Variants in AGBL1 observed in about 807,000 individuals in gnomAD.
The protein encoded by AGBL1 is AGBL carboxypeptidase 1.
Under a neutral mutation model 118.9 loss-of-function variants are expected in AGBL1, and 130 were observed. The ratio of observed to expected loss-of-function variants is 1.09; its 90% CI spans 0.95 to 1.26. AGBL1 has a LOEUF of 1.26. Among genes scored for constraint, AGBL1 ranks in the 50% most tolerant of loss-of-function variants. The probability of loss-of-function intolerance (pLI) is 0.00; values close to 1 mark genes in which losing one functional copy is unlikely to be tolerated. For synonymous variants in AGBL1, 555 were observed against 478.9 expected (o/e 1.16, Z -2.08); for missense variants, 1,584 against 1,298.1 (o/e 1.22, Z -3.38).
chr15:86,278,571 A>G (rs779946268), intron 15 of AGBL1, among the ~76,000 whole-genome samples: 7 of 152,178 alleles, frequency 4.6e-5, no homozygotes, highest in Non-Finnish European at 2.9e-5. Flanking sequence ...AGAATAACCC[A>G]TGTTTGTTTT....
intron 18 of AGBL1, among the ~76,000 whole-genome samples, chr15:86,482,230 CAGGTGTAGTTTG>C (rs2082661162): frequency 6.6e-6 from 1 of 152,114 alleles, no homozygotes; most frequent in Non-Finnish European, 1.5e-5. Context: ...CCTGAATGCT[CAGGTGTAGTTTG>C]AGGCTTAATG....
At chr15:86,402,415 A>T (rs1246062598) in intron 18 of AGBL1, among the ~76,000 whole-genome samples, 1 of 152,046 alleles carries the variant, frequency 6.6e-6, no homozygotes, top group African/African-American at 2.4e-5. Context: ...TGACAGTTTG[A>T]CTTCCTATTT....
At chr15:86,147,427 A>G (rs1166544513) in intron 3 of AGBL1, among the ~76,000 whole-genome samples, 2 of 152,216 alleles carry the variant, frequency 1.3e-5, no homozygotes, top group Non-Finnish European at 2.9e-5. Flanking sequence ...CACTTTTCCC[A>G]AGGTTAGCAA....
chr15:86,814,878 G>A (rs1407348659), intron 22 of AGBL1, among the ~76,000 whole-genome samples: 16 of 152,122 alleles, frequency 1.1e-4, no homozygotes. Flanking sequence ...ATGTTCTTGT[G>A]GAAATTGCCT....
chr15:86,629,142 C>A (rs2084929706), intron 21 of AGBL1, among the ~76,000 whole-genome samples: 1 of 152,108 alleles, frequency 6.6e-6, no homozygotes, highest in Non-Finnish European at 1.5e-5. Flanking sequence ...CCCATTTTCT[C>A]CACCCTCCAG....
chr15:86,829,322 G>C (rs930562644), intron 22 of AGBL1, among the ~76,000 whole-genome samples: 1 of 152,144 alleles, frequency 6.6e-6, no homozygotes, highest in Non-Finnish European at 1.5e-5. Flanking sequence ...AAAACCGCAA[G>C]GGTCAAGTGG....
intron 22 of AGBL1, among the ~76,000 whole-genome samples, chr15:86,743,733 T>G (rs971345488): frequency 6.6e-6 from 1 of 152,100 alleles, no homozygotes; most frequent in Non-Finnish European, 1.5e-5. Context: ...CTGAAAAATA[T>G]CTGAGAGCTT....
chr15:87,013,713 G>A (rs986906172), intron 24 of AGBL1, among the ~76,000 whole-genome samples: 1 of 152,102 alleles, frequency 6.6e-6, no homozygotes. Flanking sequence ...CTTACATGAG[G>A]TTACCCGACT....
intron 22 of AGBL1, among the ~76,000 whole-genome samples, chr15:86,837,742 TG>T (rs1449367830): frequency 7.9e-5 from 12 of 152,208 alleles, no homozygotes; most frequent in Non-Finnish European, 1.5e-4. Context: ...AAATTAGAAG[TG>T]TATCCTCAAA....
In AGBL1 at chr15:86,159,115, C is replaced by T. The variant is rs2077232311; in HGVS notation, c.488+89C>T. 3 of 1,250,692 alleles carry T rather than the reference C, an allele frequency of 2.4e-6. No homozygotes were observed. The South Asian group carries it at 3.6e-5, about 15-fold the overall frequency. The allele number at this position is 1,250,692 out of a possible 1,614,324, so 77.5% of individuals were successfully genotyped here. A position where few individuals can be genotyped will look rare whatever the true frequency, so the allele number is the denominator to read the frequency against. On this transcript the variant is annotated intron_variant, in intron 5 of 22. Transcript: ENST00000614907. The stretch of plus-strand genomic sequence containing the variant: ...ACATGTATTTTCATGATGCTTCCAG[C>T]TCAGTTTAGTGGTCATTTCTCCTTT...
At chr15:86,376,694 G>C (rs1642751022) in intron 17 of AGBL1, among the ~76,000 whole-genome samples, 1 of 152,198 alleles carries the variant, frequency 6.6e-6, no homozygotes, top group Non-Finnish European at 1.5e-5. Flanking sequence ...TTAGTCTCCA[G>C]TTCCTCCAGA....
intron 18 of AGBL1, among the ~76,000 whole-genome samples, chr15:86,452,501 C>T (rs2082206915): frequency 6.6e-6 from 1 of 152,122 alleles, no homozygotes; most frequent in Admixed American, 6.5e-5. Flanking sequence ...AAAATTGAGC[C>T]CTCCAAATCT....
intron 22 of AGBL1, among the ~76,000 whole-genome samples, chr15:86,755,349 G>A (rs2077920360): frequency 6.6e-6 from 1 of 152,076 alleles, no homozygotes; most frequent in Non-Finnish European, 1.5e-5. Flanking sequence ...TATTATTACA[G>A]CTGAGTAGCG....
chr15:86,550,559 G>A (rs889983348), intron 20 of AGBL1, among the ~76,000 whole-genome samples: 2 of 152,044 alleles, frequency 1.3e-5, no homozygotes, highest in Non-Finnish European at 2.9e-5. Flanking sequence ...GAAACAAATT[G>A]TTAATCAGCA....
chr15:86,535,070 TA>T (rs1327381207), intron 19 of AGBL1, among the ~76,000 whole-genome samples: 1 of 152,112 alleles, frequency 6.6e-6, no homozygotes, highest in Non-Finnish European at 1.5e-5. Flanking sequence ...CACAGAGATT[TA>T]AAATGCAATG....
intron 22 of AGBL1, among the ~76,000 whole-genome samples, chr15:86,871,241 T>C (rs1406972438): frequency 1.3e-5 from 2 of 152,148 alleles, no homozygotes; most frequent in Non-Finnish European, 2.9e-5. Flanking sequence ...GAGACATCCA[T>C]CTGTCAGATA....
chr15:86,835,228 A>G (rs1486466559), intron 22 of AGBL1, among the ~76,000 whole-genome samples: 1 of 152,112 alleles, frequency 6.6e-6, no homozygotes, highest in Non-Finnish European at 1.5e-5. Context: ...ACTCGCTGGG[A>G]TCATATATCT....
intron 1 of AGBL1, among the ~76,000 whole-genome samples, chr15:86,130,729 G>A (rs920478908): frequency 6.6e-6 from 1 of 152,058 alleles, no homozygotes; most frequent in Non-Finnish European, 1.5e-5. Context: ...GCTTTTTATT[G>A]ATCTCCTATT....
chr15:86,794,611 T>A (rs1205989050), intron 22 of AGBL1, among the ~76,000 whole-genome samples: 1 of 152,100 alleles, frequency 6.6e-6, no homozygotes, highest in Non-Finnish European at 1.5e-5. Flanking sequence ...GAGAACTTTA[T>A]AATATGTGAA....
Sources: gnomAD v4.1 joint callset for allele counts (sites outside exome capture counted in the v4.1 genomes callset) on GRCh38, gnomAD v4.1.1 for gene constraint, MANE v1.5 for transcripts, NCBI Gene and HGNC (gene_info 2026-07-23, HGNC 2026-07-21) for gene names.